Variants in TRPS1 observed in about 807,000 individuals in gnomAD.
The protein encoded by TRPS1 is zinc finger transcription factor Trps1.
Under a neutral mutation model 101.2 loss-of-function variants are expected in TRPS1, and 6 were observed. The observed-to-expected ratio is 0.06, with a 90% CI of 0.03 to 0.12. The LOEUF (loss-of-function observed/expected upper bound fraction) is 0.12, where lower values mean the gene tolerates loss of function less well. Ranked by LOEUF, TRPS1 falls within the 10% of genes least tolerant of loss-of-function variation. TRPS1 has a pLI of 1.00. For synonymous variants in TRPS1, 578 were observed against 589.8 expected (o/e 0.98, Z 0.29); for missense variants, 1,363 against 1,567.0 (o/e 0.87, Z 2.20).
chr8:115,492,527 C>A (rs996139247), intron 5 of TRPS1, among the ~76,000 whole-genome samples: 1 of 150,964 alleles, frequency 6.6e-6, no homozygotes, highest in Non-Finnish European at 1.5e-5. Flanking sequence ...TTAATTCAAT[C>A]GACAAAAATA....
intron 5 of TRPS1, among the ~76,000 whole-genome samples, chr8:115,493,990 C>A (rs1373845966): frequency 2.0e-5 from 3 of 152,136 alleles, no homozygotes. Context: ...TCTGTCACAA[C>A]TCTGAAAAAA....
At chr8:115,643,937 C>T (rs970632945) in intron 1 of TRPS1, among the ~76,000 whole-genome samples, 1 of 152,192 alleles carries the variant, frequency 6.6e-6, no homozygotes, top group Non-Finnish European at 1.5e-5. Context: ...TGTACATCTC[C>T]ATCAGAGCTT....
intron 1 of TRPS1, among the ~76,000 whole-genome samples, chr8:115,662,072 T>C (rs1811810853): frequency 6.6e-6 from 1 of 151,904 alleles, no homozygotes; most frequent in Non-Finnish European, 1.5e-5. Flanking sequence ...GTTCCTAAAG[T>C]TTTTCCAAAC....
intron 5 of TRPS1, among the ~76,000 whole-genome samples, chr8:115,498,367 G>C (rs1444200993): frequency 2.0e-5 from 2 of 102,254 alleles, no homozygotes; most frequent in Non-Finnish European, 4.0e-5. Flanking sequence ...AACAAAGAGA[G>C]AGCCCGTCTC....
At chr8:115,646,962 T>C (rs1819038007) in intron 1 of TRPS1, among the ~76,000 whole-genome samples, 1 of 152,096 alleles carries the variant, frequency 6.6e-6, no homozygotes. Context: ...GAAGTTGAAG[T>C]GTTACAAATT....
At chr8:115,565,559 G>A (rs1817049370) in intron 5 of TRPS1, among the ~76,000 whole-genome samples, 1 of 151,008 alleles carries the variant, frequency 6.6e-6, no homozygotes, top group South Asian at 2.1e-4. Flanking sequence ...CATTTGATAA[G>A]CGTGTGCTTT....
chr8:115,645,370 C>T (rs981713200), intron 1 of TRPS1, among the ~76,000 whole-genome samples: 6 of 152,148 alleles, frequency 3.9e-5, no homozygotes, highest in Admixed American at 1.3e-4. Flanking sequence ...ACTGGGTGAT[C>T]TCAGTAATAA....
chr8:115,542,531 GA>G (rs1438431940), intron 5 of TRPS1, among the ~76,000 whole-genome samples: 19 of 150,656 alleles, frequency 1.3e-4, no homozygotes, highest in Non-Finnish European at 1.9e-4. Context: ...CCAGAACTTA[GA>G]AAAAAAAAGA....
chr8:115,570,738 T>TC (rs1245707965), intron 5 of TRPS1, among the ~76,000 whole-genome samples: 1 of 150,720 alleles, frequency 6.6e-6, no homozygotes, highest in Non-Finnish European at 1.5e-5. Context: ...TCAATGAACT[T>TC]CAATTTCAAG....
At chr8:115,497,756 C>A (rs1815184531) in intron 5 of TRPS1, among the ~76,000 whole-genome samples, 1 of 152,082 alleles carries the variant, frequency 6.6e-6, no homozygotes, top group Non-Finnish European at 1.5e-5. Flanking sequence ...ACAAAAATAG[C>A]AGAGATTAAA....
rs186794780 is a variant in TRPS1, at chr8:115,526,667, T to A, written c.2700+60334A>T. ...TTCATGCCTTATATAGAAATGGCAA[T>A]AAGCTATGTGCTAAAGACAAAACAT... On this transcript the variant is annotated intron_variant, in intron 5 of 6. Transcript: ENST00000395715. Among the ~76,000 whole-genome samples the A allele has an allele frequency of 2.3e-3, 349 of 152,236 alleles. 1 individual carries two copies. The highest frequency in any genetic ancestry group is 7.8e-3 in the African/African-American group (324 of 41,568).
At chr8:115,484,637 T>A (rs1473880658) in intron 5 of TRPS1, among the ~76,000 whole-genome samples, 1 of 152,172 alleles carries the variant, frequency 6.6e-6, no homozygotes, top group African/African-American at 2.4e-5. Flanking sequence ...TAAAAGAGCT[T>A]CAAAAATGAC....
intron 4 of TRPS1, among the ~76,000 whole-genome samples, chr8:115,590,064 C>G (rs982889918): frequency 5.9e-5 from 9 of 152,170 alleles, no homozygotes; most frequent in African/African-American, 2.2e-4. Context: ...TTGCAGTGAG[C>G]CGAGATCACG....
intron 5 of TRPS1, among the ~76,000 whole-genome samples, chr8:115,482,116 T>C (rs1814768670): frequency 6.6e-6 from 1 of 152,214 alleles, no homozygotes; most frequent in Non-Finnish European, 1.5e-5. Context: ...GGACTGCAAG[T>C]TGATCTATTT....
At chr8:115,655,466 G>A (rs1243560108) in intron 1 of TRPS1, among the ~76,000 whole-genome samples, 1 of 152,098 alleles carries the variant, frequency 6.6e-6, no homozygotes, top group Non-Finnish European at 1.5e-5. Flanking sequence ...AGAACTAAGA[G>A]AGTCATCTCA....
At chr8:115,664,256 AAAAC>A (rs1339547097) in intron 1 of TRPS1, among the ~76,000 whole-genome samples, 1 of 152,106 alleles carries the variant, frequency 6.6e-6, no homozygotes, top group East Asian at 1.9e-4. Context: ...AAATTACACT[AAAAC>A]AAACCTCTAC....
At position 115,415,003 on chromosome 8, in the gene TRPS1, C is replaced by G; in HGVS notation, c.2905G>C (p.Glu969Gln). The G allele has an allele frequency of 6.3e-7, 1 of 1,577,438 alleles. No individual in the cohort carries two copies. The highest frequency in any genetic ancestry group is 1.4e-5 in the African/African-American group (1 of 73,088). ...RRRTRKRLNP[E>Q]ALQAEQLNKQ... ...TTGAGCTGCTCAGCCTGAAGTGCCT[C>G]TGGGTTAAGGCGCTTTCTTGTTCTC... The change falls in exon 7 of 7, where the codon GAG becomes CAG. Residue 969 changes from glutamate (E) to glutamine (Q), a missense_variant. Glu to Gln is a conservative substitution (Grantham distance 29, BLOSUM62 2). Transcript: ENST00000395715.
intron 5 of TRPS1, among the ~76,000 whole-genome samples, chr8:115,535,115 C>A (rs62513026): frequency 1.5e-3 from 65 of 44,058 alleles, no homozygotes; most frequent in South Asian, 9.4e-3. Flanking sequence ...GCATATATAT[C>A]GCATATGTAT....
chr8:115,620,487 A>G (rs1818370048), intron 2 of TRPS1, among the ~76,000 whole-genome samples: 1 of 152,174 alleles, frequency 6.6e-6, no homozygotes, highest in Non-Finnish European at 1.5e-5. Flanking sequence ...AAATACATAT[A>G]TGTGTTTATG....
Sources: gnomAD v4.1 joint callset for allele counts (sites outside exome capture counted in the v4.1 genomes callset) on GRCh38, gnomAD v4.1.1 for gene constraint, MANE v1.5 for transcripts, NCBI Gene and HGNC (gene_info 2026-07-23, HGNC 2026-07-21) for gene names.